The following COG6 variants were observed in gnomAD, a reference collection of about 807,000 sequenced individuals.
COG6 encodes the protein component of oligomeric golgi complex 6.
In COG6, 74 loss-of-function variants were observed where a neutral mutation model predicts 88.8. The observed-to-expected ratio is 0.83, with a 90% CI of 0.69 to 1.01. COG6 has a LOEUF of 1.01. Among genes scored for constraint, COG6 ranks in the 50% least tolerant of loss-of-function variants. COG6 has a pLI of 0.00. For synonymous variants in COG6, 286 were observed against 278.7 expected, an observed-to-expected ratio of 1.03 and a Z score of -0.26; for missense variants, 800 against 797.9, an observed-to-expected ratio of 1.00 and a Z score of -0.03.
chr13:39,670,993 G>A (rs549858830), intron 4 of COG6, among the ~76,000 whole-genome samples: 1 of 152,064 alleles, frequency 6.6e-6, no homozygotes, highest in South Asian at 2.1e-4. Context: ...CCTAATAAAA[G>A]GTTAGGGGAA....
chr13:39,742,439 G>T (rs972479093), intron 18 of COG6, among the ~76,000 whole-genome samples: 1 of 151,950 alleles, frequency 6.6e-6, no homozygotes, highest in Non-Finnish European at 1.5e-5. Context: ...ACAAAAAAAG[G>T]CAGGGGTTGC....
intron 8 of COG6, among the ~76,000 whole-genome samples, chr13:39,682,726 G>A (rs187394619): frequency 6.6e-6 from 1 of 152,164 alleles, no homozygotes; most frequent in African/African-American, 2.4e-5. Context: ...TCCTGTAATT[G>A]ATGCCAAACA....
At chr13:39,667,425 C>T (rs2137961230) in intron 4 of COG6, among the ~76,000 whole-genome samples, 1 of 152,180 alleles carries the variant, frequency 6.6e-6, no homozygotes, top group Non-Finnish European at 1.5e-5. Flanking sequence ...TGCAAATTGC[C>T]TGGATAGAAA....
At chr13:39,783,495 A>T (rs1294593372) in intron 18 of COG6, among the ~76,000 whole-genome samples, 1 of 152,000 alleles carries the variant, frequency 6.6e-6, no homozygotes, top group Non-Finnish European at 1.5e-5. Context: ...TTATTTTAAA[A>T]TTGTTCTCTC....
chr13:39,743,180 C>T (rs1265493335), intron 18 of COG6, among the ~76,000 whole-genome samples: 1 of 152,076 alleles, frequency 6.6e-6, no homozygotes, highest in Non-Finnish European at 1.5e-5. Context: ...ACCCTAACAT[C>T]ACAATTAAAA....
intron 18 of COG6, among the ~76,000 whole-genome samples, chr13:39,736,550 G>C (rs1188797853): frequency 1.3e-5 from 2 of 152,008 alleles, no homozygotes. Context: ...AATTAGCCAG[G>C]CATAGTGGTG....
At position 39,725,132 on chromosome 13, in the gene COG6, T is replaced by C. The variant is rs116490426; in HGVS notation, c.1746+571T>C. On this transcript the variant is annotated intron_variant, in intron 17 of 18. Transcript: ENST00000455146. ...CTCATATGTATAGTGTTCATATGCA[T>C]AGCCATTCATTGTATGATATTTAAG... Among the ~76,000 whole-genome samples, 1,179 of 151,988 alleles carry C rather than the reference T, an allele frequency of 7.8e-3. 22 individuals are homozygous for C. The highest frequency in any genetic ancestry group is 0.027 in the African/African-American group (1,126 of 41,516).
downstream of COG6, among the ~76,000 whole-genome samples, chr13:39,754,398 G>A (rs911447541): frequency 6.6e-5 from 10 of 152,140 alleles, no homozygotes. Flanking sequence ...TTTATAGAAT[G>A]TGGATACATG....
intron 1 of COG6, among the ~76,000 whole-genome samples, chr13:39,657,875 C>T (rs1874624844): frequency 6.6e-6 from 1 of 152,136 alleles, no homozygotes; most frequent in South Asian, 2.1e-4. Flanking sequence ...TTTCTGACAT[C>T]TACTGAGCTC....
intron 13 of COG6, among the ~76,000 whole-genome samples, chr13:39,706,920 G>A (rs1877964110): frequency 6.6e-6 from 1 of 152,046 alleles, no homozygotes; most frequent in African/African-American, 2.4e-5. Context: ...CTGGTCTCAA[G>A]CAATCCACCC....
chr13:39,680,177 T>C (rs940104218), intron 7 of COG6, 132 bp downstream of exon 7: 10 of 617,794 alleles, frequency 1.6e-5, no homozygotes, highest in Non-Finnish European at 2.9e-5. Flanking sequence ...ATAGTATTTG[T>C]ATTTGGTTTT....
chr13:39,655,668 G>A lies in COG6; in HGVS notation c.-59G>A. 1.3e-6 allele frequency: 2 copies of A among 1,542,196 alleles called. No individual in the cohort carries two copies. The highest frequency in any genetic ancestry group is 8.8e-7 in the Non-Finnish European group (1 of 1,139,266). On this transcript the variant is annotated 5_prime_UTR_variant, in exon 1 of 19. Coordinates refer to ENST00000455146, the MANE Select transcript of COG6 (RefSeq NM_020751.3). The stretch of plus-strand genomic sequence containing the variant: ...CGATTTGCACATGCGCAATACTCGC[G>A]CTGCCTCCGTGGTCCCTGCCTGGCT...
At chr13:39,686,496 T>C (rs1022738372) in intron 8 of COG6, among the ~76,000 whole-genome samples, 1 of 152,216 alleles carries the variant, frequency 6.6e-6, no homozygotes, top group Non-Finnish European at 1.5e-5. Flanking sequence ...TTCCATGCCT[T>C]TTCAATTATA....
intron 5 of COG6, among the ~76,000 whole-genome samples, chr13:39,678,791 A>T (rs1365101265): frequency 2.6e-5 from 4 of 152,104 alleles, no homozygotes; most frequent in Non-Finnish European, 5.9e-5. Flanking sequence ...AGAGAGGTAA[A>T]TAGGTGAGAG....
At chr13:39,746,703 A>G (rs923003633) in intron 18 of COG6, among the ~76,000 whole-genome samples, 1 of 152,214 alleles carries the variant, frequency 6.6e-6, no homozygotes, top group Non-Finnish European at 1.5e-5. Flanking sequence ...ATATAGACAG[A>G]TAGATCAGTT....
At position 39,699,564 on chromosome 13, in the gene COG6, CA is replaced by C; in HGVS notation, c.1237del (p.Ile413TyrfsTer6). The C allele has an allele frequency of 1.3e-6, 2 of 1,594,424 alleles. No individual in the cohort carries two copies. Among genetic ancestry groups the C allele is most frequent in the Non-Finnish European group, 1.7e-6 (2 of 1,163,608 alleles). On this transcript the variant is annotated frameshift_variant, in exon 13 of 19. Coordinates refer to ENST00000455146, the MANE Select transcript of COG6 (RefSeq NM_020751.3). LOFTEE classifies it high-confidence loss of function. Reference sequence around the variant, plus strand: ...CCATTGAAGAAATGCATTTGCTAAGCAAAAAAATATTCTTCAATAGCTTGAG... The same window carrying C: ...CCATTGAAGAAATGCATTTGCTAAGCAAAAAATATTCTTCAATAGCTTGAG... ...TTIEEMHLLSKKIFFNSLSLH... is the reference protein window; with the variant it reads ...TTIEEMHLLSXKIFFNSLSLH...
At chr13:39,741,338 G>C (rs1880032006) in intron 18 of COG6, among the ~76,000 whole-genome samples, 1 of 152,076 alleles carries the variant, frequency 6.6e-6, no homozygotes, top group South Asian at 2.1e-4. Context: ...CGAACCCATT[G>C]CAAGGAAGCT....
At chr13:39,720,985 T>C (rs144186403) in intron 15 of COG6, among the ~76,000 whole-genome samples, 23 of 152,234 alleles carry the variant, frequency 1.5e-4, no homozygotes, top group African/African-American at 5.1e-4. Context: ...ATTATTACTA[T>C]GTAAACATTA....
chr13:39,747,636 GT>G (rs1445243311), intron 18 of COG6, among the ~76,000 whole-genome samples: 1 of 152,064 alleles, frequency 6.6e-6, no homozygotes, highest in Non-Finnish European at 1.5e-5. Flanking sequence ...CACTCGTTTA[GT>G]TTTAACTGGC....
Sources: allele counts gnomAD v4.1 joint callset (sites outside exome capture counted in the v4.1 genomes callset), GRCh38; gene constraint gnomAD v4.1.1; transcripts MANE v1.5; gene names NCBI Gene and HGNC (gene_info 2026-07-23, HGNC 2026-07-21).